Variants in CEP112 observed in about 807,000 individuals in gnomAD.
CEP112 encodes centrosomal protein 112, also known as centrosomal protein of 112 kDa.
Under a neutral mutation model 153.0 loss-of-function variants are expected in CEP112, and 127 were observed. The observed-to-expected ratio is 0.83, with a 90% CI of 0.72 to 0.96. The LOEUF (loss-of-function observed/expected upper bound fraction) is 0.96. Among genes scored for constraint, CEP112 ranks in the 40% least tolerant of loss-of-function variants. CEP112 has a pLI of 0.00. For missense variants in CEP112, 1,089 were observed against 1,101.2 expected (o/e 0.99, Z 0.16); for synonymous variants, 358 against 374.4 (o/e 0.96, Z 0.51).
At chr17:65,931,266 C>T (rs1395409275) in intron 18 of CEP112, among the ~76,000 whole-genome samples, 1 of 152,216 alleles carries the variant, frequency 6.6e-6, no homozygotes, top group Admixed American at 6.5e-5. Context: ...AGAAAACCTT[C>T]GTGAATATTC....
intron 19 of CEP112, among the ~76,000 whole-genome samples, chr17:65,925,126 A>T (rs141725427): frequency 6.6e-6 from 1 of 152,262 alleles, no homozygotes; most frequent in East Asian, 1.9e-4. Context: ...TAATTAAATC[A>T]TGGGGGCAGC....
intron 17 of CEP112, among the ~76,000 whole-genome samples, chr17:65,973,164 G>C (rs1227535762): frequency 6.6e-6 from 1 of 152,162 alleles, no homozygotes; most frequent in Non-Finnish European, 1.5e-5. Context: ...AAAACTTTCA[G>C]AAGAAAACCT....
At chr17:65,969,149 T>A (rs1370304849) in intron 17 of CEP112, among the ~76,000 whole-genome samples, 1 of 151,220 alleles carries the variant, frequency 6.6e-6, no homozygotes, top group African/African-American at 2.4e-5. Flanking sequence ...TGGTGCGATC[T>A]CGGCTAACTA....
chr17:65,836,776 A>G (rs1020697807), intron 21 of CEP112, among the ~76,000 whole-genome samples: 6 of 152,250 alleles, frequency 3.9e-5, no homozygotes, highest in Non-Finnish European at 8.8e-5. Flanking sequence ...TCTAGACCAA[A>G]TAGACCTAAC....
At chr17:65,639,841 T>TC (rs2045009671) in intron 25 of CEP112, among the ~76,000 whole-genome samples, 1 of 143,168 alleles carries the variant, frequency 7.0e-6, no homozygotes, top group African/African-American at 2.6e-5. Flanking sequence ...TCTTTCTTTT[T>TC]TTTTTTTTTT....
At chr17:66,180,280 T>C (rs1044589512) in intron 2 of CEP112, among the ~76,000 whole-genome samples, 4 of 152,022 alleles carry the variant, frequency 2.6e-5, no homozygotes, top group African/African-American at 4.8e-5. Context: ...ATTATTTAAA[T>C]GTTTAGTAAA....
chr17:65,879,122 T>C lies in CEP112; in HGVS notation c.2163+23030A>G, dbSNP rs187092466. Among the ~76,000 whole-genome samples, 29 of 152,324 alleles carry C rather than the reference T, an allele frequency of 1.9e-4. No individual in the cohort carries two copies. In the East Asian group the frequency reaches 5.6e-3, roughly 29 times the overall value. ...TGTTACCTTATATGTGAAAAGGGACTCAGCAAATATGATTAAATCAATGAT... is the reference window on the plus strand; with the variant it reads ...TGTTACCTTATATGTGAAAAGGGACCCAGCAAATATGATTAAATCAATGAT... On this transcript the variant is annotated intron_variant, in intron 20 of 26. Transcript: ENST00000535342.
At chr17:65,883,025 T>C (rs1751689333) in intron 20 of CEP112, among the ~76,000 whole-genome samples, 1 of 152,140 alleles carries the variant, frequency 6.6e-6, no homozygotes, top group Admixed American at 6.5e-5. Flanking sequence ...TCACAGTCTG[T>C]ACTAGGAACC....
At chr17:65,794,086 G>A (rs905225219) in intron 21 of CEP112, among the ~76,000 whole-genome samples, 5 of 152,094 alleles carry the variant, frequency 3.3e-5, no homozygotes, top group African/African-American at 7.2e-5. Flanking sequence ...CAGGCACTGG[G>A]GATACAGCAG....
chr17:65,973,261 C>G (rs2145026636), intron 17 of CEP112, among the ~76,000 whole-genome samples: 1 of 152,308 alleles, frequency 6.6e-6, no homozygotes, highest in African/African-American at 2.4e-5. Context: ...ACACAGTAGA[C>G]TTCATCAAAA....
intron 1 of CEP112, among the ~76,000 whole-genome samples, chr17:66,185,666 A>G (rs2072901108): frequency 1.3e-5 from 2 of 152,364 alleles, no homozygotes; most frequent in Middle Eastern, 3.4e-3. Flanking sequence ...TTAAGTTAAA[A>G]ATACATACAC....
At chr17:65,874,026 T>C (rs2058745619) in intron 20 of CEP112, among the ~76,000 whole-genome samples, 1 of 152,214 alleles carries the variant, frequency 6.6e-6, no homozygotes, top group Admixed American at 6.5e-5. Context: ...TGCATTTCAA[T>C]TCTACATTTC....
chr17:66,122,902 A>C (rs769046369), intron 6 of CEP112, among the ~76,000 whole-genome samples: 1 of 152,200 alleles, frequency 6.6e-6, no homozygotes, highest in African/African-American at 2.4e-5. Context: ...AGGAACTACC[A>C]GTCTCCTCTT....
At chr17:65,879,183 G>T (rs2058962828) in intron 20 of CEP112, among the ~76,000 whole-genome samples, 1 of 152,176 alleles carries the variant, frequency 6.6e-6, no homozygotes, top group African/African-American at 2.4e-5. Context: ...TATGTTGTAG[G>T]CCCAAGGTAA....
intron 24 of CEP112, among the ~76,000 whole-genome samples, chr17:65,651,919 T>G (rs557234315): frequency 6.6e-6 from 1 of 152,298 alleles, no homozygotes; most frequent in East Asian, 1.9e-4. Flanking sequence ...GCCAGGCTGG[T>G]CTCCAACTCC....
chr17:66,048,210 A>G (rs1443308), intron 12 of CEP112, among the ~76,000 whole-genome samples: 149,190 of 152,138 alleles, frequency 0.98, 73,213 homozygotes, highest in East Asian at 1. Context: ...AGGGCCCAGA[A>G]TGGCCAAGAC....
chr17:65,973,579 G>GA (rs2062927357), intron 17 of CEP112, among the ~76,000 whole-genome samples: 1 of 152,186 alleles, frequency 6.6e-6, no homozygotes, highest in African/African-American at 2.4e-5. Context: ...TGAGCGTGGT[G>GA]AAAATTTAAA....
chr17:65,873,450 T>G (rs1369658994), intron 20 of CEP112: 1 of 152,208 alleles, frequency 6.6e-6, no homozygotes, highest in African/African-American at 2.4e-5. Context: ...TACTTGAGTT[T>G]CTGACCCATC....
intron 1 of CEP112, among the ~76,000 whole-genome samples, chr17:66,188,710 CTCA>C (rs1457452615): frequency 9.6e-6 from 1 of 103,932 alleles, no homozygotes; most frequent in Non-Finnish European, 2.4e-5. Flanking sequence ...TTACCTGGTA[CTCA>C]TCATTTTTTG....
Sources: allele counts gnomAD v4.1 joint callset (sites outside exome capture counted in the v4.1 genomes callset), GRCh38; gene constraint gnomAD v4.1.1; transcripts MANE v1.5; gene names NCBI Gene and HGNC (gene_info 2026-07-23, HGNC 2026-07-21).